FAM163A: variants seen among roughly 807,000 people sequenced by gnomAD.
FAM163A encodes protein FAM163A.
FAM163A carries 7 observed loss-of-function variants against 12.0 expected under a neutral mutation model. That is an observed-to-expected ratio of 0.58 (90% CI 0.33 to 1.10). The LOEUF (loss-of-function observed/expected upper bound fraction) is 1.10, where lower values mean the gene tolerates loss of function less well. Ranked by LOEUF, FAM163A falls within the 50% of genes least tolerant of loss-of-function variation. The probability of loss-of-function intolerance (pLI) is 0.03; values close to 1 mark genes in which losing one functional copy is unlikely to be tolerated. For synonymous variants in FAM163A, 101 were observed against 91.0 expected, an observed-to-expected ratio of 1.11 and a Z score of -0.62; for missense variants, 202 against 218.6, an observed-to-expected ratio of 0.92 and a Z score of 0.48.
At chr1:179,749,754 G>A (rs184456496) in intron 1 of FAM163A, among the ~76,000 whole-genome samples, 45 of 152,300 alleles carry the variant, frequency 3.0e-4, no homozygotes, top group Non-Finnish European at 5.4e-4. Context: ...AGCTACTTGG[G>A]AGGCTGAGGC....
intron 1 of FAM163A, among the ~76,000 whole-genome samples, chr1:179,744,645 A>C (rs1684189341): frequency 6.6e-6 from 1 of 152,160 alleles, no homozygotes; most frequent in Non-Finnish European, 1.5e-5. Context: ...TAGTCCTGGC[A>C]AGTTTGACGT....
rs534934562 is a variant in FAM163A at position 179,768,073 on chromosome 1, C to T, written c.-136+24650C>T. ...TGTATGATTTTGAGTACTTTAGATA[C>T]GTCATATGAGTGGAATCATATGGTA... On this transcript the variant is annotated intron_variant, in intron 1 of 4. Transcript: ENST00000341785. Among the ~76,000 whole-genome samples the T allele has an allele frequency of 3.8e-4, 58 of 152,250 alleles. 1 individual carries two copies. The Middle Eastern group carries it at 0.01, about 27-fold the overall frequency.
chr1:179,783,355 T>C (rs1397707310), intron 1 of FAM163A, among the ~76,000 whole-genome samples: 1 of 152,224 alleles, frequency 6.6e-6, no homozygotes, highest in African/African-American at 2.4e-5. Flanking sequence ...AATGACCTTA[T>C]GTTGATAACA....
chr1:179,757,482 T>A (rs1432882716), intron 1 of FAM163A, among the ~76,000 whole-genome samples: 1 of 152,172 alleles, frequency 6.6e-6, no homozygotes, highest in African/African-American at 2.4e-5. Flanking sequence ...ATGGCATCAG[T>A]GCCCTCCATG....
At chr1:179,732,501 A>G in the FAM163A span, among the ~76,000 whole-genome samples, 1 of 152,168 alleles carries the variant, frequency 6.6e-6, no homozygotes, top group Non-Finnish European at 1.5e-5. Context: ...CCCAGCCAGC[A>G]CATTGTTTTT....
intron 1 of FAM163A, among the ~76,000 whole-genome samples, chr1:179,767,742 A>G (rs925661179): frequency 2.6e-5 from 4 of 152,116 alleles, no homozygotes; most frequent in African/African-American, 7.2e-5. Flanking sequence ...TGGTGCTCCA[A>G]TGCCCTCCCA....
At chr1:179,733,019 A>C in the FAM163A span, among the ~76,000 whole-genome samples, 1 of 152,054 alleles carries the variant, frequency 6.6e-6, no homozygotes, top group Admixed American at 6.6e-5. Flanking sequence ...GGCCACCTAC[A>C]GAGTGAAAGT....
upstream of FAM163A, chr1:179,742,135 C>T (rs1185682532): frequency 6.6e-6 from 1 of 152,124 alleles, no homozygotes; most frequent in African/African-American, 2.4e-5. Context: ...GCTGCAACAA[C>T]AGTAGACTTG....
intron 1 of FAM163A, among the ~76,000 whole-genome samples, chr1:179,780,367 CT>C (rs1363337236): frequency 6.6e-6 from 1 of 152,168 alleles, no homozygotes; most frequent in African/African-American, 2.4e-5. Flanking sequence ...ATAAAACATA[CT>C]TGTAGAAATA....
At chr1:179,808,847 A>G (rs1148824) in intron 2 of FAM163A, among the ~76,000 whole-genome samples, 2 of 151,990 alleles carry the variant, frequency 1.3e-5, no homozygotes, top group East Asian at 3.9e-4. Flanking sequence ...GTGTAAGGAG[A>G]TATTGCCAGC....
At chr1:179,802,569 A>C (rs1309609476) in intron 1 of FAM163A, among the ~76,000 whole-genome samples, 4 of 152,160 alleles carry the variant, frequency 2.6e-5, no homozygotes, top group African/African-American at 9.7e-5. Flanking sequence ...TGGCTGTGTT[A>C]AGAAATTTCA....
At chr1:179,803,563 A>AT (rs201737900) in intron 1 of FAM163A, among the ~76,000 whole-genome samples, 106 of 148,984 alleles carry the variant, frequency 7.1e-4, no homozygotes, top group Admixed American at 1.7e-3. Flanking sequence ...TAAGGCCCCC[A>AT]TTTTTTTTTT....
At chr1:179,733,936 G>A in the FAM163A span, among the ~76,000 whole-genome samples, 2 of 152,092 alleles carry the variant, frequency 1.3e-5, no homozygotes, top group Admixed American at 6.5e-5. Context: ...TTTTCCTCTT[G>A]CCTCATGGAG....
intron 1 of FAM163A, among the ~76,000 whole-genome samples, chr1:179,780,706 A>AC (rs1459509593): frequency 6.6e-6 from 1 of 152,208 alleles, no homozygotes; most frequent in African/African-American, 2.4e-5. Flanking sequence ...TGATTCCTAC[A>AC]CAGGTACCTG....
At chr1:179,741,034 G>A (rs1454980406), upstream of FAM163A, among the ~76,000 whole-genome samples, 1 of 152,188 alleles carries the variant, frequency 6.6e-6, no homozygotes, top group Non-Finnish European at 1.5e-5. Flanking sequence ...GATACTTGCA[G>A]TCTCTAACTG....
chr1:179,770,062 C>T (rs964508350), intron 1 of FAM163A, among the ~76,000 whole-genome samples: 1 of 151,794 alleles, frequency 6.6e-6, no homozygotes, highest in African/African-American at 2.4e-5. Flanking sequence ...CCTGCCACCA[C>T]GCCTGGCTAC....
At chr1:179,775,816 C>A (rs1330076775) in intron 1 of FAM163A, among the ~76,000 whole-genome samples, 2 of 152,194 alleles carry the variant, frequency 1.3e-5, no homozygotes, top group Non-Finnish European at 2.9e-5. Context: ...CTGGGGCCGA[C>A]CTTTATTCTA....
intron 1 of FAM163A, among the ~76,000 whole-genome samples, chr1:179,744,026 C>T (rs1684058186): frequency 6.6e-6 from 1 of 152,170 alleles, no homozygotes; most frequent in South Asian, 2.1e-4. Flanking sequence ...TGTGGGCAGC[C>T]TTGAGACCGG....
upstream of FAM163A, among the ~76,000 whole-genome samples, chr1:179,740,172 T>G (rs1165026528): frequency 6.6e-6 from 1 of 150,926 alleles, no homozygotes; most frequent in Admixed American, 6.6e-5. Context: ...TTATTTGGTT[T>G]TTGTTGTTGT....
Sources: gnomAD v4.1 joint callset for allele counts (sites outside exome capture counted in the v4.1 genomes callset) on GRCh38, gnomAD v4.1.1 for gene constraint, MANE v1.5 for transcripts, NCBI Gene and HGNC (gene_info 2026-07-23, HGNC 2026-07-21) for gene names.